The following PRKACB variants were observed in gnomAD, a reference collection of about 807,000 sequenced individuals.
The protein encoded by PRKACB is cAMP-dependent protein kinase catalytic subunit beta.
In PRKACB, 16 loss-of-function variants were observed where a neutral mutation model predicts 51.4. The ratio of observed to expected loss-of-function variants is 0.31; its 90% CI spans 0.21 to 0.47. The LOEUF (loss-of-function observed/expected upper bound fraction) is 0.47. Among genes scored for constraint, PRKACB ranks in the 20% least tolerant of loss-of-function variants. PRKACB has a pLI of 1.00. For missense variants in PRKACB, 309 were observed against 464.5 expected (o/e 0.67, Z 3.08); for synonymous variants, 147 against 154.4 (o/e 0.95, Z 0.35).
intron 1 of PRKACB, among the ~76,000 whole-genome samples, chr1:84,080,053 C>A (rs1647403408): frequency 6.6e-6 from 1 of 152,114 alleles, no homozygotes; most frequent in Non-Finnish European, 1.5e-5. Context: ...ATTATTTTTA[C>A]CTGATATGTT....
chr1:84,234,199 G>T (rs964478641), intron 9 of PRKACB, among the ~76,000 whole-genome samples: 1 of 152,210 alleles, frequency 6.6e-6, no homozygotes, highest in Non-Finnish European at 1.5e-5. Flanking sequence ...TTCCCCTGCT[G>T]GGGGGTGCCT....
At chr1:84,176,221 A>C (rs1310787354) in intron 1 of PRKACB, among the ~76,000 whole-genome samples, 2 of 151,912 alleles carry the variant, frequency 1.3e-5, no homozygotes, top group Non-Finnish European at 2.9e-5. Flanking sequence ...TATGCTTTAT[A>C]GGGAATTCTG....
In PRKACB at chr1:84,192,744, G is replaced by A. The variant is rs946038956; in HGVS notation, c.561-3872G>A. Among the ~76,000 whole-genome samples the A allele has an allele frequency of 2.0e-5, 3 of 152,192 alleles. No individual in the cohort carries two copies. The East Asian group carries it at 5.8e-4, about 29-fold the overall frequency. On this transcript the variant is annotated intron_variant, in intron 5 of 9. Transcript: ENST00000370685. ...TGGAGTATATGATTTTGTCACCATG[G>A]TCTTTTAGTTTTGTTGTAAGAACAA... is the stretch of plus-strand genomic sequence containing the variant.
intron 1 of PRKACB, among the ~76,000 whole-genome samples, chr1:84,162,839 G>A (rs1339949273): frequency 2.6e-5 from 4 of 151,756 alleles, no homozygotes; most frequent in African/African-American, 9.7e-5. Context: ...TTTCCTCATT[G>A]TGGATCACAC....
intron 9 of PRKACB, among the ~76,000 whole-genome samples, chr1:84,234,810 T>C (rs1014303345): frequency 6.6e-6 from 1 of 152,192 alleles, no homozygotes; most frequent in Non-Finnish European, 1.5e-5. Context: ...CTGCGCCCAC[T>C]GTCTGGCACT....
At chr1:84,178,565 G>A (rs146775434) in intron 1 of PRKACB, among the ~76,000 whole-genome samples, 4 of 152,080 alleles carry the variant, frequency 2.6e-5, no homozygotes, top group Admixed American at 2.6e-4. Flanking sequence ...AGTTTATGCT[G>A]CAAATTTAGA....
intron 1 of PRKACB, among the ~76,000 whole-genome samples, chr1:84,102,614 T>A (rs1174796990): frequency 6.6e-6 from 1 of 152,178 alleles, no homozygotes; most frequent in East Asian, 1.9e-4. Flanking sequence ...CACAGAGTTT[T>A]AAAAGAAATT....
intron 2 of PRKACB, 57 bp downstream of exon 2, chr1:84,179,295 T>C: frequency 6.8e-7 from 1 of 1,469,214 alleles, no homozygotes; most frequent in Non-Finnish European, 9.0e-7. Context: ...AAAATCAGGA[T>C]TCTTGCCTAA....
chr1:84,185,935 G>A (rs994020801), intron 5 of PRKACB, among the ~76,000 whole-genome samples: 4 of 152,136 alleles, frequency 2.6e-5, no homozygotes, highest in Non-Finnish European at 4.4e-5. Flanking sequence ...TGCAGTTTGA[G>A]GCATATACAC....
At chr1:84,174,180 C>T (rs1660466566) in intron 1 of PRKACB, among the ~76,000 whole-genome samples, 1 of 151,802 alleles carries the variant, frequency 6.6e-6, no homozygotes, top group East Asian at 1.9e-4. Context: ...TGATGTTTTA[C>T]ATGTCCCCGA....
intron 5 of PRKACB, among the ~76,000 whole-genome samples, chr1:84,189,683 T>G (rs1666184125): frequency 1.3e-5 from 2 of 152,056 alleles, no homozygotes; most frequent in African/African-American, 4.8e-5. Context: ...GGACAGCATT[T>G]CAAACCTAAA....
intron 1 of PRKACB, among the ~76,000 whole-genome samples, chr1:84,133,595 A>T (rs1215528853): frequency 1.3e-5 from 2 of 152,192 alleles, no homozygotes; most frequent in African/African-American, 2.4e-5. Flanking sequence ...GGCTTTGGTC[A>T]GCTTCACTTG....
At chr1:84,217,426 C>T (rs1358190039) in intron 9 of PRKACB, among the ~76,000 whole-genome samples, 2 of 152,072 alleles carry the variant, frequency 1.3e-5, no homozygotes, top group Non-Finnish European at 1.5e-5. Context: ...TTTACCATTT[C>T]CTTCAGTCTC....
chr1:84,156,083 G>A (rs1027732526), intron 1 of PRKACB, among the ~76,000 whole-genome samples: 2 of 152,018 alleles, frequency 1.3e-5, no homozygotes, highest in African/African-American at 4.8e-5. Flanking sequence ...TGTTCTCCTG[G>A]GCTCAAGCTA....
chr1:84,150,190 A>G (rs1654663892), intron 1 of PRKACB, among the ~76,000 whole-genome samples: 1 of 152,136 alleles, frequency 6.6e-6, no homozygotes. Context: ...AGGCAGGAGA[A>G]TCACTAGACC....
chr1:84,214,327 TC>T lies in PRKACB; in HGVS notation c.1071+11del. On this transcript the variant is annotated intron_variant, in intron 9 of 9. Coordinates refer to ENST00000370685, the MANE Select transcript of PRKACB (RefSeq NM_182948.4). ...TATTTACCAGAGGAAGGTGAGACTT[TC>T]TTTTTTAATTTAAAAGCTTTTTTAA... 1 of 1,555,538 alleles carries T rather than the reference TC, an allele frequency of 6.4e-7. No individual in the cohort carries two copies.
chr1:84,143,172 G>A (rs1174301596), upstream of PRKACB, among the ~76,000 whole-genome samples: 4 of 152,108 alleles, frequency 2.6e-5, no homozygotes, highest in Non-Finnish European at 2.9e-5. Flanking sequence ...TTGGCCAGGC[G>A]CGGTGGCTCA....
chr1:84,209,611 C>A (rs1003944911), intron 8 of PRKACB, among the ~76,000 whole-genome samples: 3 of 152,136 alleles, frequency 2.0e-5, no homozygotes, highest in East Asian at 1.9e-4. Context: ...TCCTATTATT[C>A]TTTTCAAAAC....
intron 1 of PRKACB, among the ~76,000 whole-genome samples, chr1:84,176,013 A>T (rs185860723): frequency 1.3e-5 from 2 of 151,796 alleles, no homozygotes; most frequent in African/African-American, 4.8e-5. Context: ...TTTTTTTCTT[A>T]AGAAGAGTTA....
Sources: allele counts gnomAD v4.1 joint callset (sites outside exome capture counted in the v4.1 genomes callset), GRCh38; gene constraint gnomAD v4.1.1; transcripts MANE v1.5; gene names NCBI Gene and HGNC (gene_info 2026-07-23, HGNC 2026-07-21).